ADGRB3: variants seen among roughly 807,000 people sequenced by gnomAD.
The protein encoded by ADGRB3 is brain-specific angiogenesis inhibitor 3.
ADGRB3 carries 37 observed loss-of-function variants against 193.4 expected under a neutral mutation model. That is an observed-to-expected ratio of 0.19 (90% confidence interval 0.15 to 0.25). ADGRB3 has a LOEUF of 0.25. Ranked by LOEUF, ADGRB3 falls within the 10% of genes least tolerant of loss-of-function variation. The pLI is 1.00. For missense variants in ADGRB3, 1,637 were observed against 1,852.9 expected, an observed-to-expected ratio of 0.88 and a Z score of 2.14; for synonymous variants, 690 against 644.2, an observed-to-expected ratio of 1.07 and a Z score of -1.08.
chr6:69,072,670 G>C (rs532212471), intron 16 of ADGRB3, among the ~76,000 whole-genome samples: 1 of 152,032 alleles, frequency 6.6e-6, no homozygotes, highest in Non-Finnish European at 1.5e-5. Context: ...AGATTTAATG[G>C]ATCTGTTATC....
intron 3 of ADGRB3, among the ~76,000 whole-genome samples, chr6:68,888,922 T>C (rs1200089618): frequency 6.6e-6 from 1 of 152,170 alleles, no homozygotes; most frequent in Non-Finnish European, 1.5e-5. Context: ...TCTATTTTGA[T>C]TTTTTTCAAA....
intron 30 of ADGRB3, among the ~76,000 whole-genome samples, chr6:69,375,857 T>C (rs1326157584): frequency 6.6e-6 from 1 of 151,842 alleles, no homozygotes; most frequent in Non-Finnish European, 1.5e-5. Flanking sequence ...GCGGGAGAAT[T>C]GATTGAATCC....
rs775073475 is a variant in ADGRB3, at chr6:69,048,166, A to G, written c.2108-19A>G. On this transcript the variant is annotated intron_variant, in intron 13 of 31. Transcript: ENST00000370598. ...ATGTAAAGCAAGTTTAATTGAAATT[A>G]TTATTTCTTTTTTAATAGTGGCTAG... The G allele has an allele frequency of 2.5e-6, 4 of 1,603,558 alleles. No individual in the cohort carries two copies. The Admixed American group carries it at 5.2e-5, about 21-fold the overall frequency.
chr6:69,361,032 C>T lies in ADGRB3; in HGVS notation c.3759C>T (p.Pro1253=). 3.1e-6 allele frequency: 5 copies of T among 1,612,696 alleles called. No homozygotes were observed. Among genetic ancestry groups the T allele is most frequent in the Non-Finnish European group, 4.2e-6 (5 of 1,179,196 alleles). The part of the protein sequence containing the change: ...NVISKVIIQQ[P]TGLHMPMSMN... ...TTTCCAAAGTCATCATCCAGCAACC[C>T]ACAGGTTTGCACATGCCCATGAGTA... Residue 1253 remains proline (P), a synonymous_variant, in exon 29 of 32, where the codon CCC becomes CCT. Coordinates refer to ENST00000370598, the MANE Select transcript of ADGRB3 (RefSeq NM_001704.3).
Position 68,975,099 on chromosome 6 carries a change from C to A in ADGRB3, c.1628-135C>A, listed in dbSNP as rs1322332289. The stretch of plus-strand genomic sequence containing the variant: ...GACTAATATGCATTATAAAAATAAT[C>A]AAAATATCAATTTCATGTGCATGTT... On this transcript the variant is annotated intron_variant, in intron 9 of 31. Transcript: ENST00000370598. 4.1e-6 allele frequency: 3 copies of A among 727,366 alleles called. No individual in the cohort carries two copies. The South Asian group carries it at 6.1e-5, about 15-fold the overall frequency. 45.1% of individuals were successfully genotyped at this position (727,366 alleles called of 1,614,324 possible).
At chr6:68,716,535 G>A (rs1765493185) in intron 3 of ADGRB3, among the ~76,000 whole-genome samples, 2 of 148,986 alleles carry the variant, frequency 1.3e-5, no homozygotes, top group South Asian at 4.2e-4. Context: ...TTTTCCTAGA[G>A]TTGTAGGGGA....
At chr6:68,694,362 C>G (rs770798612) in intron 3 of ADGRB3, among the ~76,000 whole-genome samples, 1 of 151,988 alleles carries the variant, frequency 6.6e-6, no homozygotes, top group Admixed American at 6.6e-5. Flanking sequence ...ACCAGCCATC[C>G]ATTTGAGTGG....
chr6:68,743,802 T>C (rs1380717147), intron 3 of ADGRB3, among the ~76,000 whole-genome samples: 3 of 152,110 alleles, frequency 2.0e-5, no homozygotes, highest in African/African-American at 7.2e-5. Context: ...AAACTGTTAA[T>C]TCTGTTATAT....
intron 27 of ADGRB3, among the ~76,000 whole-genome samples, chr6:69,355,429 T>C (rs971402440): frequency 6.6e-6 from 1 of 152,304 alleles, no homozygotes; most frequent in South Asian, 2.1e-4. Context: ...TATATTCAAA[T>C]TGAATGTTTA....
intron 13 of ADGRB3, among the ~76,000 whole-genome samples, chr6:69,030,938 A>ATTTTC (rs1395955710): frequency 3.5e-4 from 17 of 48,732 alleles, no homozygotes; most frequent in East Asian, 3.3e-3. Flanking sequence ...TTGGGTTTTA[A>ATTTTC]TTTTCTTTTC....
intron 7 of ADGRB3, 113 bp downstream of exon 7, chr6:68,956,301 A>ATATGTGTGTGTG: frequency 1.1e-6 from 1 of 878,916 alleles, no homozygotes; most frequent in Middle Eastern, 3.7e-4. Context: ...TTATATATAT[A>ATATGTGTGTGTG]TGTGTGTGTG....
intron 5 of ADGRB3, among the ~76,000 whole-genome samples, chr6:68,938,360 C>T (rs1767537908): frequency 2.0e-5 from 3 of 150,834 alleles, no homozygotes. Flanking sequence ...AAGTAAGGAC[C>T]AGGGGATTCT....
chr6:69,110,355 A>T (rs1773335878), intron 17 of ADGRB3, among the ~76,000 whole-genome samples: 1 of 152,178 alleles, frequency 6.6e-6, no homozygotes, highest in Admixed American at 6.5e-5. Context: ...ATAGAATAAG[A>T]CTATATTTTG....
At chr6:68,752,305 TTGCTCTTGTCACCCACATTGGAG>T in intron 3 of ADGRB3, among the ~76,000 whole-genome samples, 1 of 151,418 alleles carries the variant, frequency 6.6e-6, no homozygotes, top group Non-Finnish European at 1.5e-5. Flanking sequence ...AGACAGAATT[TTGCTCTTGTCACCCACATTGGAG>T]TGCAATGGTG....
At chr6:68,837,510 G>T (rs79721332) in intron 3 of ADGRB3, among the ~76,000 whole-genome samples, 1 of 152,126 alleles carries the variant, frequency 6.6e-6, no homozygotes, top group South Asian at 2.1e-4. Flanking sequence ...ATAGATAAAT[G>T]TAAAGATTTC....
intron 17 of ADGRB3, among the ~76,000 whole-genome samples, chr6:69,157,813 A>G (rs952991254): frequency 1.3e-5 from 2 of 152,166 alleles, no homozygotes; most frequent in African/African-American, 4.8e-5. Flanking sequence ...TTATGACAAT[A>G]AAAGAAGTCT....
chr6:69,347,205 C>T (rs1429933025), intron 26 of ADGRB3, among the ~76,000 whole-genome samples: 7 of 152,016 alleles, frequency 4.6e-5, no homozygotes, highest in South Asian at 2.1e-4. Context: ...CAGGGCCTGT[C>T]GGGAGGTGGG....
intron 17 of ADGRB3, among the ~76,000 whole-genome samples, chr6:69,173,005 G>T (rs1452137150): frequency 6.6e-6 from 1 of 151,602 alleles, no homozygotes; most frequent in Non-Finnish European, 1.5e-5. Flanking sequence ...GGCCAGGAGA[G>T]TTGTGTGGGG....
intron 17 of ADGRB3, among the ~76,000 whole-genome samples, chr6:69,197,800 G>A (rs907572683): frequency 6.6e-6 from 1 of 151,942 alleles, no homozygotes; most frequent in African/African-American, 2.4e-5. Context: ...TGTAAAGGCT[G>A]GAAGAAAAGA....
Sources: gnomAD v4.1 joint callset for allele counts (sites outside exome capture counted in the v4.1 genomes callset) on GRCh38, gnomAD v4.1.1 for gene constraint, MANE v1.5 for transcripts, NCBI Gene and HGNC (gene_info 2026-07-23, HGNC 2026-07-21) for gene names.